Variants in KCNH1 observed in about 807,000 individuals in gnomAD.
KCNH1 encodes voltage-gated delayed rectifier potassium channel KCNH1.
A neutral mutation model predicts 69.2 loss-of-function variants in KCNH1; 27 were observed. The observed-to-expected ratio is 0.39, with a 90% CI of 0.29 to 0.54. KCNH1 has a LOEUF of 0.54. KCNH1 is among the 20% of genes least tolerant of loss of function. KCNH1 has a pLI of 0.68. For missense variants in KCNH1, 798 were observed against 1,261.6 expected (o/e 0.63, Z 5.57); for synonymous variants, 456 against 487.7 (o/e 0.93, Z 0.86).
At chr1:210,812,943 A>G (rs1309453501) in intron 7 of KCNH1, among the ~76,000 whole-genome samples, 5 of 152,154 alleles carry the variant, frequency 3.3e-5, no homozygotes, top group Non-Finnish European at 7.4e-5. Flanking sequence ...AGCTGCTTAG[A>G]ACTGTGTGGT....
chr1:210,894,271 T>C (rs1459240083), intron 7 of KCNH1, among the ~76,000 whole-genome samples: 4 of 152,184 alleles, frequency 2.6e-5, no homozygotes, highest in Non-Finnish European at 4.4e-5. Context: ...TTAAGATTTG[T>C]TAAGTGGACC....
chr1:211,074,898 A>G (rs1297801281), intron 5 of KCNH1, among the ~76,000 whole-genome samples: 2 of 152,208 alleles, frequency 1.3e-5, no homozygotes, highest in African/African-American at 4.8e-5. Context: ...CAAGCAGCCA[A>G]TCACCACAAT....
chr1:211,070,427 A>AC (rs755813312), intron 5 of KCNH1, among the ~76,000 whole-genome samples: 3,521 of 104,836 alleles, frequency 0.034, 73 homozygotes, highest in African/African-American at 0.058. Flanking sequence ...TTAAAAAAAA[A>AC]AAAACACACA....
intron 7 of KCNH1, among the ~76,000 whole-genome samples, chr1:210,899,995 A>C (rs1686959933): frequency 6.6e-6 from 1 of 152,220 alleles, no homozygotes; most frequent in Non-Finnish European, 1.5e-5. Context: ...TGAGGGAAGA[A>C]ATTTTAGGAT....
chr1:211,086,258 C>T (rs1329961312), intron 4 of KCNH1, among the ~76,000 whole-genome samples: 1 of 152,282 alleles, frequency 6.6e-6, no homozygotes, highest in African/African-American at 2.4e-5. Flanking sequence ...AAAGGATAGG[C>T]GGTCCATTTC....
chr1:210,697,219 A>G (rs1681664443), intron 10 of KCNH1, among the ~76,000 whole-genome samples: 1 of 152,158 alleles, frequency 6.6e-6, no homozygotes, highest in South Asian at 2.1e-4. Flanking sequence ...TGGGAAGGTC[A>G]TCAGAGCCCT....
intron 7 of KCNH1, among the ~76,000 whole-genome samples, chr1:210,876,641 T>C (rs1686381203): frequency 6.6e-6 from 1 of 152,144 alleles, no homozygotes; most frequent in African/African-American, 2.4e-5. Flanking sequence ...GTCTCTGCTT[T>C]TATAAGCTTC....
chr1:210,959,089 G>T (rs1464749853), intron 6 of KCNH1, among the ~76,000 whole-genome samples: 1 of 152,174 alleles, frequency 6.6e-6, no homozygotes, highest in African/African-American at 2.4e-5. Context: ...ACCAATAAAT[G>T]AGGTTTTGGT....
At chr1:211,087,079 T>C (rs1022732221) in intron 4 of KCNH1, among the ~76,000 whole-genome samples, 2 of 152,034 alleles carry the variant, frequency 1.3e-5, no homozygotes, top group Non-Finnish European at 2.9e-5. Flanking sequence ...GAAGGGGGTG[T>C]GGGGCCTGCA....
At chr1:210,793,179 A>G (rs1203751953) in intron 9 of KCNH1, among the ~76,000 whole-genome samples, 2 of 152,228 alleles carry the variant, frequency 1.3e-5, no homozygotes, top group African/African-American at 4.8e-5. Flanking sequence ...ATGCAAAATT[A>G]AGGCAGAGAG....
At chr1:210,692,301 G>A (rs1325982049) in intron 10 of KCNH1, among the ~76,000 whole-genome samples, 1 of 152,172 alleles carries the variant, frequency 6.6e-6, no homozygotes, top group Admixed American at 6.5e-5. Flanking sequence ...AGATGCTCCT[G>A]TTCCTCTGTC....
rs182912472 is a variant in KCNH1, at chr1:211,131,642, G to A, written c.79+2225C>T. ...CTTTAAATAGACTTTTTCCACCACA[G>A]TAAAATAATATAATGCATGCAGATA... On this transcript the variant is annotated intron_variant, in intron 1 of 10. Transcript: ENST00000271751. Among the ~76,000 whole-genome samples the A allele has an allele frequency of 2.1e-3, 327 of 152,254 alleles. 1 individual carries two copies. The highest frequency in any genetic ancestry group is 3.9e-3 in the South Asian group (19 of 4,828).
intron 10 of KCNH1, among the ~76,000 whole-genome samples, chr1:210,722,042 C>T (rs1042738859): frequency 6.6e-6 from 1 of 152,160 alleles, no homozygotes; most frequent in African/African-American, 2.4e-5. Flanking sequence ...TAGCAGTTTC[C>T]CCAGTGGGTT....
chr1:210,856,553 G>T (rs577735515), intron 7 of KCNH1, among the ~76,000 whole-genome samples: 1 of 151,428 alleles, frequency 6.6e-6, no homozygotes, highest in African/African-American at 2.4e-5. Flanking sequence ...TCATTCTCCA[G>T]CTCTGTCTCT....
chr1:210,716,368 G>A (rs1370823353), intron 10 of KCNH1, among the ~76,000 whole-genome samples: 7 of 145,464 alleles, frequency 4.8e-5, no homozygotes, highest in Non-Finnish European at 8.9e-5. Flanking sequence ...GAAGGCGGAG[G>A]TTGCAGTGAG....
intron 5 of KCNH1, among the ~76,000 whole-genome samples, chr1:211,036,111 T>C (rs1255984096): frequency 6.6e-6 from 1 of 152,050 alleles, no homozygotes; most frequent in Non-Finnish European, 1.5e-5. Flanking sequence ...CTCAAATCCA[T>C]CTCCCTGACC....
chr1:210,859,911 T>G, intron 7 of KCNH1: 1 of 1,386,242 alleles, frequency 7.2e-7, no homozygotes, highest in East Asian at 2.3e-5. Flanking sequence ...TGCATTATAA[T>G]GTAAAGCTGC....
At chr1:211,120,242 T>A (rs1204285794) in intron 1 of KCNH1, among the ~76,000 whole-genome samples, 1 of 151,170 alleles carries the variant, frequency 6.6e-6, no homozygotes, top group East Asian at 1.9e-4. Flanking sequence ...CAGCATGGAG[T>A]GCAATGGTGC....
chr1:210,869,269 T>C (rs577167847), intron 7 of KCNH1, among the ~76,000 whole-genome samples: 2 of 152,264 alleles, frequency 1.3e-5, no homozygotes, highest in South Asian at 4.1e-4. Flanking sequence ...TTCTTGGAGT[T>C]GTTGACCTGC....
Sources: allele counts gnomAD v4.1 joint callset (sites outside exome capture counted in the v4.1 genomes callset), GRCh38; gene constraint gnomAD v4.1.1; transcripts MANE v1.5; gene names NCBI Gene and HGNC (gene_info 2026-07-23, HGNC 2026-07-21).